CEBPZ: variants seen among roughly 807,000 people sequenced by gnomAD.
CEBPZ encodes the protein CCAAT/enhancer-binding protein zeta.
In CEBPZ, 78 loss-of-function variants were observed where a neutral mutation model predicts 104.5. That is an observed-to-expected ratio of 0.75 (90% CI 0.62 to 0.90). CEBPZ has a LOEUF of 0.90. CEBPZ is among the 40% of genes least tolerant of loss of function. CEBPZ has a pLI of 0.00. For synonymous variants in CEBPZ, 470 were observed against 427.0 expected (o/e 1.10, Z -1.24); for missense variants, 1,439 against 1,233.5 (o/e 1.17, Z -2.50).
At chr2:37,216,291 A>C in intron 7 of CEBPZ, 25 bp downstream of exon 7, 1 of 1,608,652 alleles carries the variant, frequency 6.2e-7, no homozygotes, top group Non-Finnish European at 8.5e-7. Context: ...ATGAAAGCCA[A>C]ATAATTCACT....
At chr2:37,210,924 G>C (rs1558470145) in intron 13 of CEBPZ, 75 bp downstream of exon 13, 6 of 1,006,662 alleles carry the variant, frequency 6.0e-6, no homozygotes, top group Non-Finnish European at 7.3e-6. Flanking sequence ...ATTTAGGAGA[G>C]TTCATTTCCC....
chr2:37,227,460 T>C (rs2148362949), intron 2 of CEBPZ, 84 bp downstream of exon 2: 1 of 1,397,618 alleles, frequency 7.2e-7, no homozygotes, highest in Middle Eastern at 2.6e-4. Context: ...CTAACTCTTT[T>C]TCTTGCCCCA....
intron 13 of CEBPZ, chr2:37,209,549 C>G (rs1446656384): frequency 6.6e-6 from 1 of 152,174 alleles, no homozygotes; most frequent in Non-Finnish European, 1.5e-5. Context: ...GGAAAGGACA[C>G]CCTATTGAAC....
chr2:37,216,553 A>T (rs1389294882), intron 6 of CEBPZ, 135 bp from the exon 7 acceptor site: 4 of 651,290 alleles, frequency 6.1e-6, no homozygotes, highest in Non-Finnish European at 1.1e-5. Context: ...CTCTTCAAAT[A>T]TCTCTCTCAT....
chr2:37,201,644 T>A lies in CEBPZ; in HGVS notation c.*120A>T, dbSNP rs1313318933. 1.4e-6 allele frequency: 1 copy of A among 732,700 alleles called. No individual in the cohort carries two copies. The highest frequency in any genetic ancestry group is 2.4e-6 in the Non-Finnish European group (1 of 409,188). 45.4% of individuals were successfully genotyped at this position (732,700 alleles called of 1,614,324 possible). A position where few individuals can be genotyped will look rare whatever the true frequency, so the allele number is the denominator to read the frequency against. ...ATGAGAGCTATTTTTATTTATAGTT[T>A]ATTACAAATCCACTGAGAAGTCTGG... On this transcript the variant is annotated 3_prime_UTR_variant, in exon 16 of 16. Transcript: ENST00000234170.
intron 1 of CEBPZ, among the ~76,000 whole-genome samples, chr2:37,230,780 T>C (rs1014831088): frequency 6.6e-6 from 1 of 152,198 alleles, no homozygotes; most frequent in African/African-American, 2.4e-5. Context: ...TCTTTGCATT[T>C]GCTGTTCCAA....
Position 37,228,410 on chromosome 2 carries a change from G to A in CEBPZ, c.783C>T (p.His261=). Reference sequence around the variant, plus strand: ...CAAGAGTTTCTACAAACTGAAGTGTGTGAACGGCATCATCCTGAATAAGAA... The same window carrying A: ...CAAGAGTTTCTACAAACTGAAGTGTATGAACGGCATCATCCTGAATAAGAA... The part of the protein sequence containing the change: ...MILLIQDDAV[H]TLQFVETLVN... The change falls in exon 2 of 16, where the codon CAC becomes CAT. Residue 261 remains histidine (H), a synonymous_variant. Coordinates refer to ENST00000234170, the MANE Select transcript of CEBPZ (RefSeq NM_005760.3). 1.2e-6 allele frequency: 2 copies of A among 1,614,216 alleles called. No individual in the cohort carries two copies. The highest frequency in any genetic ancestry group is 4.5e-5 in the East Asian group (2 of 44,884).
chr2:37,216,934 AATG>A, intron 6 of CEBPZ, 47 bp downstream of exon 6: 1 of 1,430,862 alleles, frequency 7.0e-7, no homozygotes. Context: ...GATTATCTAA[AATG>A]ATACTTTTTT....
At chr2:37,214,461 T>TA (rs1349402000) in intron 9 of CEBPZ, among the ~76,000 whole-genome samples, 1 of 152,092 alleles carries the variant, frequency 6.6e-6, no homozygotes, top group African/African-American at 2.4e-5. Flanking sequence ...ATATTAAACT[T>TA]AAAGTATTAT....
chr2:37,206,121 CAA>C (rs764916257), intron 13 of CEBPZ, among the ~76,000 whole-genome samples: 10 of 152,130 alleles, frequency 6.6e-5, no homozygotes, highest in Admixed American at 1.3e-4. Context: ...GAGAACAAAA[CAA>C]AGAGGCAAAC....
At position 37,227,644 on chromosome 2, in the gene CEBPZ, T is replaced by C; in HGVS notation, c.1549A>G (p.Ile517Val). 1 of 1,614,208 alleles carries C rather than the reference T, an allele frequency of 6.2e-7. No homozygotes were observed. Among genetic ancestry groups the C allele is most frequent in the Non-Finnish European group, 8.5e-7 (1 of 1,180,030 alleles). The change falls in exon 2 of 16, where the codon ATT (isoleucine) becomes GTT (valine). Residue 517 changes from isoleucine (I) to valine (V), a missense_variant. Coordinates refer to ENST00000234170, the MANE Select transcript of CEBPZ (RefSeq NM_005760.3). ...QIDTLFKVLH[I>V]VNFNTSVQAL... ...TGGACACTGGTATTAAAATTCACAA[T>C]ATGCAACACTTTAAACAGTGTGTCA...
At chr2:37,212,157 G>A (rs1677741347) in intron 11 of CEBPZ, 118 bp from the exon 12 acceptor site, 2 of 1,019,106 alleles carry the variant, frequency 2.0e-6, no homozygotes. Context: ...TTTGCAGACT[G>A]CTCAGAGTAA....
chr2:37,202,022 C>A, intron 15 of CEBPZ, 119 bp from the exon 16 acceptor site: 1 of 801,784 alleles, frequency 1.2e-6, no homozygotes, highest in South Asian at 2.2e-5. Flanking sequence ...GTTTCCCACC[C>A]ACTATACAAA....
intron 12 of CEBPZ, 56 bp downstream of exon 12, chr2:37,211,781 CAAACTT>C: frequency 1.6e-6 from 2 of 1,287,144 alleles, no homozygotes; most frequent in Admixed American, 5.8e-5. Flanking sequence ...AGCAGAAAAA[CAAACTT>C]AAGGCTAAGG....
At chr2:37,210,292 A>C (rs1677679969) in intron 13 of CEBPZ, 1 of 152,214 alleles carries the variant, frequency 6.6e-6, no homozygotes, top group African/African-American at 2.4e-5. Flanking sequence ...CCCAGAGGAA[A>C]ATAAGTCATT....
rs1430198300 is a variant in CEBPZ, at chr2:37,201,751, T to C, written c.*13A>G. 1 of 1,314,892 alleles carries C rather than the reference T, an allele frequency of 7.6e-7. No homozygotes were observed. Among genetic ancestry groups the C allele is most frequent in the South Asian group, 1.2e-5 (1 of 81,996 alleles). The allele number at this position is 1,314,892 out of a possible 1,614,324, so 81.5% of individuals were successfully genotyped here. On this transcript the variant is annotated 3_prime_UTR_variant, in exon 16 of 16. Transcript: ENST00000234170. ...TGTAAGTAGAATTTTAATCTATAAT[T>C]TACATTAATAACTCATTTCCTTTGT...
At chr2:37,222,335 A>T (rs942251046) in intron 4 of CEBPZ, 45 bp downstream of exon 4, 3 of 1,405,224 alleles carry the variant, frequency 2.1e-6, no homozygotes, top group African/African-American at 2.9e-5. Context: ...TATGAAAATC[A>T]AAGAGAAACA....
At chr2:37,220,531 C>A in intron 4 of CEBPZ, 58 bp from the exon 5 acceptor site, 2 of 827,434 alleles carry the variant, frequency 2.4e-6, no homozygotes, top group South Asian at 1.8e-5. Flanking sequence ...CCCAAGAGGT[C>A]ATTAAAAGCA....
At chr2:37,216,511 C>A (rs1293202961) in intron 6 of CEBPZ, 93 bp from the exon 7 acceptor site, 1 of 887,508 alleles carries the variant, frequency 1.1e-6, no homozygotes, top group Non-Finnish European at 1.8e-6. Flanking sequence ...TTCTATTACA[C>A]TGTATTGAAG....
Sources: allele counts gnomAD v4.1 joint callset (sites outside exome capture counted in the v4.1 genomes callset), GRCh38; gene constraint gnomAD v4.1.1; transcripts MANE v1.5; gene names NCBI Gene and HGNC (gene_info 2026-07-23, HGNC 2026-07-21).